The following SSBP4 variants were observed in gnomAD, a reference collection of about 807,000 sequenced individuals.
The protein encoded by SSBP4 is single stranded DNA binding protein 4.
In SSBP4, 33 loss-of-function variants were observed where a neutral mutation model predicts 64.6. The ratio of observed to expected loss-of-function variants is 0.51; its 90% CI spans 0.39 to 0.68. The LOEUF (loss-of-function observed/expected upper bound fraction) is 0.68, where lower values mean the gene tolerates loss of function less well. Ranked by LOEUF, SSBP4 falls within the 30% of genes least tolerant of loss-of-function variation. The pLI, the probability that SSBP4 is intolerant of heterozygous loss-of-function variation, is 0.00. For synonymous variants in SSBP4, 243 were observed against 224.0 expected (o/e 1.08, Z -0.76); for missense variants, 583 against 566.8 (o/e 1.03, Z -0.29).
At chr19:18,411,216 G>A in the SSBP4 span, among the ~76,000 whole-genome samples, 4 of 152,168 alleles carry the variant, frequency 2.6e-5, no homozygotes, top group Non-Finnish European at 5.9e-5. Context: ...GGAAGGGTCA[G>A]GTGCATGGGC....
chr19:18,424,575 C>T (rs1169847625), intron 1 of SSBP4, among the ~76,000 whole-genome samples: 4 of 136,182 alleles, frequency 2.9e-5, no homozygotes, highest in Admixed American at 1.5e-4. Flanking sequence ...GGGCGGGGGG[C>T]GGCACAGGAG....
At chr19:18,404,274 G>T in the SSBP4 span, among the ~76,000 whole-genome samples, 1 of 151,920 alleles carries the variant, frequency 6.6e-6, no homozygotes, top group Non-Finnish European at 1.5e-5. Context: ...GACCCTCAGA[G>T]ATCCCCAGAG....
At chr19:18,412,656 G>A in the SSBP4 span, among the ~76,000 whole-genome samples, 4 of 151,996 alleles carry the variant, frequency 2.6e-5, no homozygotes, top group African/African-American at 9.7e-5. Flanking sequence ...TCTCTCACAC[G>A]ACACCCTTGA....
intron 1 of SSBP4, among the ~76,000 whole-genome samples, chr19:18,422,656 C>T (rs1034992808): frequency 2.6e-5 from 4 of 152,200 alleles, no homozygotes; most frequent in African/African-American, 9.7e-5. Flanking sequence ...GAAATGTGGA[C>T]GACCCATCTT....
In SSBP4 at chr19:18,427,295, G is replaced by A; in HGVS notation, c.60-56G>A. 1 of 1,580,890 alleles carries A rather than the reference G, an allele frequency of 6.3e-7. No homozygotes were observed. Among genetic ancestry groups the A allele is most frequent in the South Asian group, 1.1e-5 (1 of 89,708 alleles). ...CCCTCCTGAGAGATGGAGGGGCTTTGGGGTGGGCCCTTGCCTTGGAGAGTC... is the reference window on the plus strand; with the variant it reads ...CCCTCCTGAGAGATGGAGGGGCTTTAGGGTGGGCCCTTGCCTTGGAGAGTC... On this transcript the variant is annotated intron_variant, in intron 1 of 17. Coordinates refer to ENST00000270061, the MANE Select transcript of SSBP4 (RefSeq NM_032627.5). The surrounding 1 kb of genome is among the most constrained non-coding windows in gnomAD (Gnocchi z 4.4).
chr19:18,421,991 T>C (rs554105895), intron 1 of SSBP4, among the ~76,000 whole-genome samples: 2 of 152,112 alleles, frequency 1.3e-5, no homozygotes. Flanking sequence ...TGAAACCCTG[T>C]CTCTACTAAA....
the SSBP4 span, among the ~76,000 whole-genome samples, chr19:18,407,508 C>T: frequency 6.6e-6 from 1 of 152,146 alleles, no homozygotes; most frequent in East Asian, 1.9e-4. Context: ...GCTCCGCCCC[C>T]CGGGTTCACG....
Position 18,432,204 on chromosome 19 carries a change from G to T in SSBP4, c.694G>T (p.Ala232Ser). 1 of 1,613,158 alleles carries T rather than the reference G, an allele frequency of 6.2e-7. No homozygotes were observed. The highest frequency in any genetic ancestry group is 2.2e-5 in the East Asian group (1 of 44,880). The part of the protein sequence containing the change: ...PNSLAGPGLP[A>S]MNMGPGVRGP... ...CTCCCTCGCCGGCCCAGGCCTGCCT[G>T]CCATGAACATGTAAGACCCTGGGGG... Residue 232 changes from alanine (A) to serine (S), a missense_variant, in exon 10 of 18, where the codon GCC (alanine) becomes TCC (serine). Physicochemically the swap from Ala to Ser is moderately conservative, Grantham distance 99 (BLOSUM62 1). Transcript: ENST00000270061.
chr19:18,420,863 CAAAA>C (rs1036782303), intron 1 of SSBP4, among the ~76,000 whole-genome samples: 7 of 149,110 alleles, frequency 4.7e-5, no homozygotes, highest in Non-Finnish European at 1.0e-4. Flanking sequence ...AAAAAAAAAA[CAAAA>C]AACAAAAAAA....
At position 18,427,945 on chromosome 19, in the gene SSBP4, G is replaced by A. The variant is rs760458069; in HGVS notation, c.242G>A (p.Cys81Tyr). ...YCAAPDRREA[C>Y]EHSGEAKAFQ... ...GCGGCGCCTGACAGAAGAGAGGCCT[G>A]CGAGCACTCCGGCGAGGCCAAGGCC... The change falls in exon 4 of 18, where the codon TGC becomes TAC. Residue 81 changes from cysteine (C) to tyrosine (Y), a missense_variant. Cys to Tyr is a radical substitution (Grantham distance 194, BLOSUM62 -2). Transcript: ENST00000270061. This position sits in a 1 kb window ranked among gnomAD's most constrained non-coding sequence, Gnocchi z 4.4. 4.3e-6 allele frequency: 7 copies of A among 1,613,364 alleles called. No homozygotes were observed. The African/African-American group carries it at 9.3e-5, about 22-fold the overall frequency.
chr19:18,419,004 A>G, upstream of SSBP4: 1 of 985,546 alleles, frequency 1.0e-6, no homozygotes, highest in Non-Finnish European at 1.2e-6. Context: ...TGAGACACCC[A>G]ATGTCACTGC....
At position 18,432,210 on chromosome 19, in the gene SSBP4, A is replaced by G. The variant is rs1195060350; in HGVS notation, c.700A>G (p.Asn234Asp). The change falls in exon 10 of 18, where the codon AAC becomes GAC. Residue 234 changes from asparagine (N) to aspartate (D), a missense_variant. This residue lies in a region of SSBP4 where 444 missense variants were observed against 386.6 expected (regional missense o/e 1.15). Coordinates refer to ENST00000270061, the MANE Select transcript of SSBP4 (RefSeq NM_032627.5). The part of the protein sequence containing the change: ...SLAGPGLPAM[N>D]MGPGVRGPWA... Reference sequence around the variant, plus strand: ...CGCCGGCCCAGGCCTGCCTGCCATGAACATGTAAGACCCTGGGGGATCCTA... The same window carrying G: ...CGCCGGCCCAGGCCTGCCTGCCATGGACATGTAAGACCCTGGGGGATCCTA... 1 of 1,613,066 alleles carries G rather than the reference A, an allele frequency of 6.2e-7. No individual in the cohort carries two copies. The highest frequency in any genetic ancestry group is 8.5e-7 in the Non-Finnish European group (1 of 1,179,946).
Position 18,434,432 on chromosome 19 carries a change from C to T in SSBP4, c.*186C>T, listed in dbSNP as rs1006928648. On this transcript the variant is annotated 3_prime_UTR_variant, in exon 18 of 18. Coordinates refer to ENST00000270061, the MANE Select transcript of SSBP4 (RefSeq NM_032627.5). ...AAAACGCAAGGACCTCAGAGACGTT[C>T]TTTTCTGTATGGACCCTTCCTGCCA... is the stretch of plus-strand genomic sequence containing the variant. 18 of 1,155,958 alleles carry T rather than the reference C, an allele frequency of 1.6e-5. No individual in the cohort carries two copies. The highest frequency in any genetic ancestry group is 9.6e-5 in the African/African-American group (6 of 62,822). 71.6% of individuals were successfully genotyped at this position (1,155,958 alleles called of 1,614,324 possible). A position where few individuals can be genotyped will look rare whatever the true frequency, so the allele number is the denominator to read the frequency against.
intron 1 of SSBP4, among the ~76,000 whole-genome samples, chr19:18,422,017 C>T (rs939531153): frequency 1.3e-5 from 2 of 152,084 alleles, no homozygotes; most frequent in East Asian, 1.9e-4. Context: ...AAAAATTAGC[C>T]GGGCATGGTG....
At chr19:18,433,302 G>A (rs1474296809) in intron 15 of SSBP4, 89 bp downstream of exon 15, 2 of 1,483,672 alleles carry the variant, frequency 1.3e-6, no homozygotes, top group East Asian at 2.5e-5. Flanking sequence ...CCGCCTGCCG[G>A]GTGGAGGCGT....
Position 18,427,754 on chromosome 19 carries a change from C to G in SSBP4, c.135C>G (p.Ile45Met). 1 of 1,590,832 alleles carries G rather than the reference C, an allele frequency of 6.3e-7. No individual in the cohort carries two copies. Reference protein sequence around the residue: ...QKSAQTFLSEIRWEKNITLGE... With the variant: ...QKSAQTFLSEMRWEKNITLGE... Reference sequence around the variant, plus strand: ...TCACCACCTTCCTTTCCCTGCAGATCCGATGGGAGAAGAACATCACGCTGG... The same window carrying G: ...TCACCACCTTCCTTTCCCTGCAGATGCGATGGGAGAAGAACATCACGCTGG... Residue 45 changes from isoleucine (I) to methionine (M), a missense_variant and splice_region_variant, in exon 3 of 18, where the codon ATC (isoleucine) becomes ATG (methionine). Physicochemically the swap from Ile to Met is conservative, Grantham distance 10. Around this residue, in one of 5 missense-constraint regions of SSBP4, gnomAD observed 43 missense variants for 74.2 expected, o/e 0.58. Coordinates refer to ENST00000270061, the MANE Select transcript of SSBP4 (RefSeq NM_032627.5). The surrounding 1 kb of genome is among the most constrained non-coding windows in gnomAD (Gnocchi z 4.4).
In SSBP4 at chr19:18,432,754, G is replaced by A. The variant is rs376754553; in HGVS notation, c.786+19G>A. ...CTACACCGTAAGTCTGAGCAAAGCT[G>A]GGTCACCCCTGGGCAGGGGTTGTGG... On this transcript the variant is annotated intron_variant, in intron 12 of 17. Coordinates refer to ENST00000270061, the MANE Select transcript of SSBP4 (RefSeq NM_032627.5). 6 of 1,608,614 alleles carry A rather than the reference G, an allele frequency of 3.7e-6. No homozygotes were observed. The highest frequency in any genetic ancestry group is 1.6e-4 in the Middle Eastern group (1 of 6,062).
At chr19:18,434,193 C>T (rs1257908016) in intron 17 of SSBP4, 24 bp from the exon 18 acceptor site, 5 of 1,610,580 alleles carry the variant, frequency 3.1e-6, no homozygotes. Context: ...GGCCCCTGCG[C>T]GCTGCCCCCT....
chr19:18,432,261 C>G (rs758056841), intron 10 of SSBP4, 47 bp downstream of exon 10: 21 of 1,598,324 alleles, frequency 1.3e-5, no homozygotes, highest in Non-Finnish European at 1.8e-5. Flanking sequence ...CAGGCCACCA[C>G]CAGCTTCATG....
Sources: allele counts gnomAD v4.1 joint callset (sites outside exome capture counted in the v4.1 genomes callset), GRCh38; gene constraint gnomAD v4.1.1; regional missense constraint gnomAD v4.1.1; non-coding constraint Gnocchi (gnomAD v3.1); transcripts MANE v1.5; gene names NCBI Gene and HGNC (gene_info 2026-07-23, HGNC 2026-07-21).